Variants in GHR observed in about 807,000 individuals in gnomAD.
The protein encoded by GHR is growth hormone receptor.
Under a neutral mutation model 67.1 loss-of-function variants are expected in GHR, and 35 were observed. The ratio of observed to expected loss-of-function variants is 0.52; its 90% CI spans 0.40 to 0.69. The LOEUF (loss-of-function observed/expected upper bound fraction) is 0.69. GHR is among the 30% of genes least tolerant of loss of function. GHR has a pLI of 0.00. For missense variants in GHR, 792 were observed against 764.6 expected, an observed-to-expected ratio of 1.04 and a Z score of -0.42; for synonymous variants, 272 against 269.1, an observed-to-expected ratio of 1.01 and a Z score of -0.10.
At chr5:42,567,518 A>T (rs951163422) in intron 2 of GHR, among the ~76,000 whole-genome samples, 5 of 152,170 alleles carry the variant, frequency 3.3e-5, no homozygotes, top group Admixed American at 3.3e-4. Flanking sequence ...AGCAAATGCA[A>T]TAGTTTATAC....
intron 2 of GHR, among the ~76,000 whole-genome samples, chr5:42,592,491 C>G (rs1251240417): frequency 1.3e-5 from 2 of 152,178 alleles, no homozygotes; most frequent in Non-Finnish European, 2.9e-5. Context: ...TGTTTAGCTC[C>G]CACTTATAAA....
intron 3 of GHR, among the ~76,000 whole-genome samples, chr5:42,630,923 A>C (rs1753898130): frequency 7.2e-6 from 1 of 138,468 alleles, no homozygotes; most frequent in South Asian, 2.3e-4. Context: ...GTTTTGGGCC[A>C]AAAGGTAGCT....
At chr5:42,435,206 CT>C (rs375013188) in intron 1 of GHR, among the ~76,000 whole-genome samples, 309 of 152,240 alleles carry the variant, frequency 2.0e-3, no homozygotes, top group African/African-American at 7.2e-3. Flanking sequence ...CAGTGAGTCC[CT>C]GAAGTGTTTA....
intron 1 of GHR, among the ~76,000 whole-genome samples, chr5:42,554,430 A>G (rs1304852514): frequency 1.3e-5 from 2 of 152,148 alleles, no homozygotes; most frequent in Admixed American, 1.3e-4. Context: ...GATCTGGAAC[A>G]CCCTACTTCT....
intron 1 of GHR, among the ~76,000 whole-genome samples, chr5:42,529,202 G>A (rs971934423): frequency 2.0e-5 from 3 of 151,926 alleles, no homozygotes; most frequent in Admixed American, 6.6e-5. Context: ...CAGTAGAAAC[G>A]GGGTTTCACC....
Position 42,529,013 on chromosome 5 carries a change from C to CT in GHR, c.-11-36835dup, listed in dbSNP as rs60879144. 3.6e-3 allele frequency among the ~76,000 whole-genome samples: 522 copies of CT among 143,536 alleles called. 1 individual carries two copies. The highest frequency in any genetic ancestry group is 9.6e-3 in the South Asian group (43 of 4,502). The allele number at this position is 143,536 out of a possible 152,430, so 94.2% of individuals were successfully genotyped here. ...AGACTACAACAGATTATACACGTAA[C>CT]TTTTTTTTTTTTTTTTGAGACAGAG... is the stretch of plus-strand genomic sequence containing the variant. On this transcript the variant is annotated intron_variant, in intron 1 of 9. Coordinates refer to ENST00000230882, the MANE Select transcript of GHR (RefSeq NM_000163.5).
rs1449622447 is a variant in GHR, at chr5:42,459,902, C to T, written c.-12+35947C>T. On this transcript the variant is annotated intron_variant, in intron 1 of 9. Coordinates refer to ENST00000230882, the MANE Select transcript of GHR (RefSeq NM_000163.5). Reference sequence around the variant, plus strand: ...TTAGACACCATGGTTCAAATCTTGGCTCTTATCATTTTTTAGCCACGTGTC... The same window carrying T: ...TTAGACACCATGGTTCAAATCTTGGTTCTTATCATTTTTTAGCCACGTGTC... Among the ~76,000 whole-genome samples, 5 of 152,128 alleles carry T rather than the reference C, an allele frequency of 3.3e-5. No homozygotes were observed. The East Asian group carries it at 9.6e-4, about 29-fold the overall frequency.
At chr5:42,611,356 C>CT (rs1382687133) in intron 2 of GHR, among the ~76,000 whole-genome samples, 6 of 152,060 alleles carry the variant, frequency 3.9e-5, no homozygotes, top group Non-Finnish European at 7.4e-5. Context: ...TTTTTCCAAC[C>CT]TTAATTACCA....
chr5:42,511,631 G>GT, intron 1 of GHR, among the ~76,000 whole-genome samples: 1 of 152,106 alleles, frequency 6.6e-6, no homozygotes, highest in Admixed American at 6.5e-5. Flanking sequence ...TTATCTGGCT[G>GT]TTTTTTATTA....
chr5:42,631,754 T>A (rs1459900161), intron 3 of GHR, among the ~76,000 whole-genome samples: 2 of 152,170 alleles, frequency 1.3e-5, no homozygotes, highest in Non-Finnish European at 2.9e-5. Context: ...CTTTTCTAAG[T>A]TCTCAGACTC....
chr5:42,581,855 C>T (rs527962243), intron 2 of GHR, among the ~76,000 whole-genome samples: 2 of 152,294 alleles, frequency 1.3e-5, no homozygotes, highest in African/African-American at 2.4e-5. Context: ...TGGGCATCCC[C>T]GTGCTCTCGG....
intron 3 of GHR, among the ~76,000 whole-genome samples, chr5:42,645,282 T>C (rs997453408): frequency 6.6e-6 from 1 of 152,220 alleles, no homozygotes; most frequent in Non-Finnish European, 1.5e-5. Flanking sequence ...GGCACGATGG[T>C]ATTTGTTTGT....
intron 1 of GHR, among the ~76,000 whole-genome samples, chr5:42,528,065 A>T (rs1157762193): frequency 1.3e-5 from 2 of 152,166 alleles, no homozygotes; most frequent in African/African-American, 2.4e-5. Context: ...AAGGGCTCTG[A>T]TGGAGATGTA....
At chr5:42,588,801 C>T (rs1467694858) in intron 2 of GHR, among the ~76,000 whole-genome samples, 1 of 151,986 alleles carries the variant, frequency 6.6e-6, no homozygotes, top group East Asian at 1.9e-4. Flanking sequence ...AAATTCATAG[C>T]TTTGTCAACT....
At chr5:42,704,859 TCTC>T (rs1758100976) in intron 6 of GHR, among the ~76,000 whole-genome samples, 2 of 152,036 alleles carry the variant, frequency 1.3e-5, no homozygotes, top group South Asian at 4.1e-4. Context: ...GGTTGTAATG[TCTC>T]CTCCTTCATT....
intron 3 of GHR, among the ~76,000 whole-genome samples, chr5:42,681,996 A>G (rs973589212): frequency 2.0e-5 from 3 of 152,084 alleles, no homozygotes; most frequent in Non-Finnish European, 2.9e-5. Flanking sequence ...ACTATTCACA[A>G]TAGCAAAGAC....
chr5:42,597,107 T>A (rs1752110123), intron 2 of GHR, among the ~76,000 whole-genome samples: 1 of 152,140 alleles, frequency 6.6e-6, no homozygotes, highest in Non-Finnish European at 1.5e-5. Context: ...GAAGGGGGGC[T>A]CTGGCTTGTA....
At chr5:42,448,640 A>C (rs916727271) in intron 1 of GHR, among the ~76,000 whole-genome samples, 3 of 150,492 alleles carry the variant, frequency 2.0e-5, no homozygotes, top group Non-Finnish European at 3.0e-5. Flanking sequence ...TTAATTAATT[A>C]GGTCCAATTT....
chr5:42,488,289 C>T (rs1468576692), intron 1 of GHR, among the ~76,000 whole-genome samples: 2 of 152,066 alleles, frequency 1.3e-5, no homozygotes, highest in African/African-American at 4.8e-5. Flanking sequence ...TTTCATTCCC[C>T]TTTTATAGAT....
Sources: gnomAD v4.1 joint callset for allele counts (sites outside exome capture counted in the v4.1 genomes callset) on GRCh38, gnomAD v4.1.1 for gene constraint, MANE v1.5 for transcripts, NCBI Gene and HGNC (gene_info 2026-07-23, HGNC 2026-07-21) for gene names.